The following HEATR4 variants were observed in gnomAD, a reference collection of about 807,000 sequenced individuals.
HEATR4 encodes HEAT repeat containing 4, also known as HEAT repeat-containing protein 4.
HEATR4 carries 95 observed loss-of-function variants against 108.8 expected under a neutral mutation model. The ratio of observed to expected loss-of-function variants is 0.87; its 90% CI spans 0.74 to 1.04. HEATR4 has a LOEUF of 1.04. Among genes scored for constraint, HEATR4 ranks in the 50% least tolerant of loss-of-function variants. The probability of loss-of-function intolerance (pLI) is 0.00; values close to 1 mark genes in which losing one functional copy is unlikely to be tolerated. For missense variants in HEATR4, 1,152 were observed against 1,253.8 expected (o/e 0.92, Z 1.23); for synonymous variants, 443 against 459.4 (o/e 0.96, Z 0.46).
chr14:73,591,234 G>C, the HEATR4 span, among the ~76,000 whole-genome samples: 12 of 148,770 alleles, frequency 8.1e-5, no homozygotes, highest in Non-Finnish European at 1.5e-4. Flanking sequence ...ATGACAGAGA[G>C]AGACCCTGTC....
chr14:73,490,596 C>T (rs1885642989), intron 17 of HEATR4, among the ~76,000 whole-genome samples: 1 of 152,210 alleles, frequency 6.6e-6, no homozygotes, highest in South Asian at 2.1e-4. Context: ...GCTGGGATTA[C>T]AGGCGGAGCC....
rs765430825 is a variant in HEATR4 at position 73,493,094 on chromosome 14, T to G, written c.2816A>C (p.Glu939Ala). The change falls in exon 17 of 18, where the codon GAG (glutamate) becomes GCG (alanine). Residue 939 changes from glutamate to alanine, a missense_variant. Glu to Ala is a moderately radical substitution (Grantham distance 107). Coordinates refer to ENST00000553558, the MANE Select transcript of HEATR4 (RefSeq NM_001220484.1). The part of the protein sequence containing the change: ...DEMVLPRRPS[E>A]VCDTEAVIKP... ...TATCACTGCTTCAGTGTCACAAACC[T>G]CGGAAGGTCTTCTAGGAAGAACCAT... The G allele has an allele frequency of 5.6e-6, 9 of 1,610,084 alleles. No homozygotes were observed. The African/African-American group carries it at 1.2e-4, about 22-fold the overall frequency.
At chr14:73,626,143 C>T in the HEATR4 span, among the ~76,000 whole-genome samples, 2 of 152,316 alleles carry the variant, frequency 1.3e-5, no homozygotes, top group African/African-American at 2.4e-5. Context: ...AAACTAGCCA[C>T]AACATTCCCT....
the HEATR4 span, among the ~76,000 whole-genome samples, chr14:73,605,929 T>C: frequency 4.6e-5 from 7 of 152,138 alleles, no homozygotes; most frequent in Non-Finnish European, 8.8e-5. Flanking sequence ...CTTGAGATAC[T>C]TTGCAGACCC....
chr14:73,593,392 G>A, the HEATR4 span, among the ~76,000 whole-genome samples: 2 of 127,894 alleles, frequency 1.6e-5, no homozygotes, highest in Non-Finnish European at 3.1e-5. Flanking sequence ...ACGCTGGAGT[G>A]CAGTGGTGTG....
At chr14:73,589,320 T>TCTC in the HEATR4 span, among the ~76,000 whole-genome samples, 30,776 of 151,910 alleles carry the variant, frequency 0.2, 5,773 homozygotes, top group African/African-American at 0.5. Context: ...TTTTTTCTTT[T>TCTC]CTTTTTCCCT....
At chr14:73,491,261 G>A in intron 17 of HEATR4, 2 of 1,576,828 alleles carry the variant, frequency 1.3e-6, no homozygotes, top group Non-Finnish European at 1.7e-6. Flanking sequence ...GCTACCCGGT[G>A]GGGCGGCGGT....
At chr14:73,572,813 T>G in the HEATR4 span, among the ~76,000 whole-genome samples, 1 of 149,376 alleles carries the variant, frequency 6.7e-6, no homozygotes, top group Admixed American at 6.7e-5. Context: ...ACCCAGCTAA[T>G]TTTTGTATTT....
At chr14:73,569,347 G>A in the HEATR4 span, 4 of 1,613,996 alleles carry the variant, frequency 2.5e-6, no homozygotes, top group Non-Finnish European at 3.4e-6. Flanking sequence ...CTGTACCAAT[G>A]GAGCCTGAAG....
rs760840815 is a variant in HEATR4, at chr14:73,511,993, C to T, written c.1558+13G>A. The T allele has an allele frequency of 1.4e-5, 23 of 1,613,672 alleles. No homozygotes were observed. The highest frequency in any genetic ancestry group is 1.8e-5 in the Non-Finnish European group (21 of 1,179,880). On this transcript the variant is annotated intron_variant, in intron 7 of 17. Coordinates refer to ENST00000553558, the MANE Select transcript of HEATR4 (RefSeq NM_001220484.1). ...TTGCTTATGTTCTCAAGCAGTTCAG[C>T]TTTGGCTCTCACCTGAGTCTCTCTG...
the HEATR4 span, among the ~76,000 whole-genome samples, chr14:73,621,168 G>A: frequency 3.3e-5 from 5 of 152,138 alleles, no homozygotes; most frequent in South Asian, 2.1e-4. Context: ...AGCCGAGATC[G>A]CGCCACTGCC....
chr14:73,571,799 GTATGTTAAGAT>G, the HEATR4 span: 1 of 152,078 alleles, frequency 6.6e-6, no homozygotes, highest in Non-Finnish European at 1.5e-5. Flanking sequence ...AATTCGCACA[GTATGTTAAGAT>G]TTATGTAAAT....
At chr14:73,615,357 A>T in the HEATR4 span, among the ~76,000 whole-genome samples, 1 of 140,316 alleles carries the variant, frequency 7.1e-6, no homozygotes, top group Non-Finnish European at 1.5e-5. Flanking sequence ...ACATCACTCC[A>T]GCCTGGGCAA....
At chr14:73,623,515 T>C in the HEATR4 span, among the ~76,000 whole-genome samples, 2 of 152,030 alleles carry the variant, frequency 1.3e-5, no homozygotes, top group African/African-American at 4.8e-5. Flanking sequence ...AAGACCCTGT[T>C]TCTACTAAAA....
Position 73,524,308 on chromosome 14 carries a change from A to AT in HEATR4, c.-72-1085_-72-1084insA, listed in dbSNP as rs1463658661. Among the ~76,000 whole-genome samples the AT allele has an allele frequency of 5.1e-3, 429 of 83,368 alleles. 1 individual carries two copies. Among genetic ancestry groups the AT allele is most frequent in the East Asian group, 0.015 (49 of 3,322 alleles). 54.7% of individuals were successfully genotyped at this position (83,368 alleles called of 152,430 possible). A position where few individuals can be genotyped will look rare whatever the true frequency, so the allele number is the denominator to read the frequency against. ...AACTCCGTCTCAAAAAAAAAAAAAA[A>AT]AAATATATATATATATATATATATA... is the stretch of plus-strand genomic sequence containing the variant. On this transcript the variant is annotated intron_variant, in intron 2 of 17. Transcript: ENST00000553558.
Position 73,519,091 on chromosome 14 carries a change from T to C in HEATR4, c.1142A>G (p.Asn381Ser). The change falls in exon 5 of 18, where the codon AAC (asparagine) becomes AGC (serine). Residue 381 changes from asparagine (N) to serine (S), a missense_variant. Physicochemically the swap from Asn to Ser is conservative, Grantham distance 46. Transcript: ENST00000553558. Reference sequence around the variant, plus strand: ...AGGGAAGACCTTAGATAGCTGCTTGTTGTACCGATTTAGGTTTTCCAGGAC... The same window carrying C: ...AGGGAAGACCTTAGATAGCTGCTTGCTGTACCGATTTAGGTTTTCCAGGAC... ...QIVLENLNRY[N>S]KQLSKVFPET... 2 of 1,614,096 alleles carry C rather than the reference T, an allele frequency of 1.2e-6. No homozygotes were observed. Among genetic ancestry groups the C allele is most frequent in the Non-Finnish European group, 1.7e-6 (2 of 1,179,984 alleles).
intron 17 of HEATR4, among the ~76,000 whole-genome samples, chr14:73,481,738 G>A (rs1244976527): frequency 6.6e-6 from 1 of 152,030 alleles, no homozygotes; most frequent in Non-Finnish European, 1.5e-5. Context: ...CCAGCTACTC[G>A]GGAGGCTGAG....
the HEATR4 span, chr14:73,617,223 G>T: frequency 1.2e-6 from 2 of 1,614,136 alleles, no homozygotes; most frequent in Non-Finnish European, 1.7e-6. Flanking sequence ...GAGTGCAGAA[G>T]AGAGGGGATA....
In HEATR4 at chr14:73,521,061, G is replaced by A. The variant is rs747003786; in HGVS notation, c.882-22C>T. 4 of 1,599,784 alleles carry A rather than the reference G, an allele frequency of 2.5e-6. No homozygotes were observed. The South Asian group carries it at 3.3e-5, about 13-fold the overall frequency. On this transcript the variant is annotated intron_variant, in intron 3 of 17. Coordinates refer to ENST00000553558, the MANE Select transcript of HEATR4 (RefSeq NM_001220484.1). ...CAATCTTGGCAGGGGTGAGAAAGGAGGGAAAAGGGGGAAAGAGTAGGAGGT... is the reference window on the plus strand; with the variant it reads ...CAATCTTGGCAGGGGTGAGAAAGGAAGGAAAAGGGGGAAAGAGTAGGAGGT...
Sources: gnomAD v4.1 joint callset for allele counts (sites outside exome capture counted in the v4.1 genomes callset) on GRCh38, gnomAD v4.1.1 for gene constraint, MANE v1.5 for transcripts, NCBI Gene and HGNC (gene_info 2026-07-23, HGNC 2026-07-21) for gene names.